The following IQCH variants were observed in gnomAD, a reference collection of about 807,000 sequenced individuals.
IQCH encodes the protein IQ motif containing H.
Under a neutral mutation model 117.0 loss-of-function variants are expected in IQCH, and 98 were observed. That is an observed-to-expected ratio of 0.84 (90% CI 0.71 to 0.99). The LOEUF is 0.99. Among genes scored for constraint, IQCH ranks in the 50% least tolerant of loss-of-function variants. The pLI is 0.00. For synonymous variants in IQCH, 412 were observed against 448.2 expected, an observed-to-expected ratio of 0.92 and a Z score of 1.02; for missense variants, 1,102 against 1,243.8, an observed-to-expected ratio of 0.89 and a Z score of 1.72.
rs574311972 is a variant in IQCH, at chr15:67,277,530, C to CTTT, written c.270-1845_270-1843dup. 5.4e-4 allele frequency among the ~76,000 whole-genome samples: 69 copies of CTTT among 128,838 alleles called. 2 individuals carry two copies. In the East Asian group the frequency reaches 0.011, roughly 20 times the overall value. The allele number at this position is 128,838 out of a possible 152,430, so 84.5% of individuals were successfully genotyped here. A position where few individuals can be genotyped will look rare whatever the true frequency, so the allele number is the denominator to read the frequency against. On this transcript the variant is annotated intron_variant, in intron 3 of 20. Coordinates refer to ENST00000335894, the MANE Select transcript of IQCH (RefSeq NM_001031715.3). The stretch of plus-strand genomic sequence containing the variant: ...GGCATCTGAGAGTTTCCTCCAGTAT[C>CTTT]TTTTTTTTTTTTTTTTTTTTTTAGA...
At chr15:67,414,522 A>G (rs2081526628) in intron 14 of IQCH, among the ~76,000 whole-genome samples, 1 of 152,032 alleles carries the variant, frequency 6.6e-6, no homozygotes, top group African/African-American at 2.4e-5. Flanking sequence ...CATATCACAG[A>G]GGACCTTCCT....
rs1009482031 is a variant in IQCH, at chr15:67,491,531, C to T, written c.2861+1467C>T. Among the ~76,000 whole-genome samples the T allele has an allele frequency of 3.3e-5, 5 of 152,116 alleles. No individual in the cohort carries two copies. The highest frequency in any genetic ancestry group is 1.2e-4 in the African/African-American group (5 of 41,402). ...AGTCCTCCCCTCCAGTTTCAGTCTT[C>T]CCCCAAGATCCCATAAACATGCAAA... On this transcript the variant is annotated intron_variant, in intron 19 of 20. Coordinates refer to ENST00000335894, the MANE Select transcript of IQCH (RefSeq NM_001031715.3). The surrounding 1 kb of genome is among the most constrained non-coding windows in gnomAD (Gnocchi z 4.9).
intron 5 of IQCH, among the ~76,000 whole-genome samples, chr15:67,340,311 C>T (rs1011169095): frequency 1.3e-5 from 2 of 151,292 alleles, no homozygotes; most frequent in Non-Finnish European, 2.9e-5. Flanking sequence ...ACCTGTAATC[C>T]CAGCTACTCT....
At position 67,295,782 on chromosome 15, in the gene IQCH, A is replaced by G. The variant is rs147022596; in HGVS notation, c.387+16270A>G. On this transcript the variant is annotated intron_variant, in intron 4 of 20. Transcript: ENST00000335894. ...ATTCTGTGCCTTCTCTCTAATCATA[A>G]TGGAAGTGTCCCTTTCCTATTAAGG... Among the ~76,000 whole-genome samples the G allele has an allele frequency of 3.9e-5, 6 of 152,288 alleles. No individual in the cohort carries two copies. The East Asian group carries it at 1.2e-3, about 29-fold the overall frequency.
rs2083103095 is a variant in IQCH, at chr15:67,472,768, T to A, written c.2677-2928T>A. ...TCCTCACCTCTGACTCTCCAGGCAA[T>A]AAAGGTCTGGACTAGGATGGTGATG... is the stretch of plus-strand genomic sequence containing the variant. On this transcript the variant is annotated intron_variant, in intron 17 of 20. Coordinates refer to ENST00000335894, the MANE Select transcript of IQCH (RefSeq NM_001031715.3). The surrounding 1 kb of genome is among the most constrained non-coding windows in gnomAD (Gnocchi z 4.3). Among the ~76,000 whole-genome samples the A allele has an allele frequency of 6.6e-6, 1 of 152,104 alleles. No homozygotes were observed. The highest frequency in any genetic ancestry group is 2.4e-5 in the African/African-American group (1 of 41,408).
At chr15:67,452,332 C>T (rs1397365799) in intron 16 of IQCH, among the ~76,000 whole-genome samples, 2 of 152,152 alleles carry the variant, frequency 1.3e-5, no homozygotes, top group South Asian at 2.1e-4. Context: ...ATGGTCTTTA[C>T]GATTTGGCAT....
At chr15:67,301,785 A>AT (rs1383355619) in intron 4 of IQCH, among the ~76,000 whole-genome samples, 1 of 152,176 alleles carries the variant, frequency 6.6e-6, no homozygotes, top group Non-Finnish European at 1.5e-5. Context: ...TGTGTGCTAC[A>AT]TATTACTATT....
At chr15:67,495,207 C>T (rs904623536) in intron 20 of IQCH, among the ~76,000 whole-genome samples, 7 of 152,172 alleles carry the variant, frequency 4.6e-5, no homozygotes, top group African/African-American at 1.7e-4. Flanking sequence ...GGCCTAACTC[C>T]TTTAGTAACA....
intron 4 of IQCH, among the ~76,000 whole-genome samples, chr15:67,331,359 A>G (rs1968658283): frequency 6.6e-6 from 1 of 152,188 alleles, no homozygotes; most frequent in Non-Finnish European, 1.5e-5. Flanking sequence ...AGATGATAAA[A>G]TAGAAGAATA....
rs1463998736 is a variant in IQCH at position 67,458,832 on chromosome 15, A to G, written c.2506-6295A>G. On this transcript the variant is annotated intron_variant, in intron 16 of 20. Transcript: ENST00000335894. This position sits in a 1 kb window ranked among gnomAD's most constrained non-coding sequence, Gnocchi z 4.1. ...GACTCACACATCCCTTTGGCCAACC[A>G]GCTACTGAGCATGATGGGCCGTGTA... Among the ~76,000 whole-genome samples, 1 of 152,218 alleles carries G rather than the reference A, an allele frequency of 6.6e-6. No homozygotes were observed. Among genetic ancestry groups the G allele is most frequent in the East Asian group, 1.9e-4 (1 of 5,200 alleles).
At chr15:67,310,585 C>A (rs1967539112) in intron 4 of IQCH, among the ~76,000 whole-genome samples, 1 of 152,044 alleles carries the variant, frequency 6.6e-6, no homozygotes. Context: ...TTCTCTGGTG[C>A]ATACTTTTGG....
chr15:67,323,771 A>G (rs1411088685), intron 4 of IQCH, among the ~76,000 whole-genome samples: 1 of 152,048 alleles, frequency 6.6e-6, no homozygotes, highest in Admixed American at 6.6e-5. Context: ...TCTACTTTAC[A>G]TATATTATAA....
Position 67,479,097 on chromosome 15 carries a change from A to G in IQCH, c.2799+3279A>G, listed in dbSNP as rs546951184. Among the ~76,000 whole-genome samples, 9 of 152,242 alleles carry G rather than the reference A, an allele frequency of 5.9e-5. No individual in the cohort carries two copies. The highest frequency in any genetic ancestry group is 2.2e-4 in the African/African-American group (9 of 41,524). Reference sequence around the variant, plus strand: ...TGTCCATCCCTGGTCAGGACTCTTCACTTGCTGTCTTAATTGCCTTTTCTT... The same window carrying G: ...TGTCCATCCCTGGTCAGGACTCTTCGCTTGCTGTCTTAATTGCCTTTTCTT... On this transcript the variant is annotated intron_variant, in intron 18 of 20. Coordinates refer to ENST00000335894, the MANE Select transcript of IQCH (RefSeq NM_001031715.3). The surrounding 1 kb of genome is among the most constrained non-coding windows in gnomAD (Gnocchi z 4.6).
At position 67,292,659 on chromosome 15, in the gene IQCH, A is replaced by T. The variant is rs142921440; in HGVS notation, c.387+13147A>T. Among the ~76,000 whole-genome samples the T allele has an allele frequency of 2.6e-5, 4 of 152,312 alleles. No homozygotes were observed. In the East Asian group the frequency reaches 7.7e-4, roughly 29 times the overall value. On this transcript the variant is annotated intron_variant, in intron 4 of 20. Transcript: ENST00000335894. Reference sequence around the variant, plus strand: ...TGTTAACCTTTACCATTTTTGCTTCATCTATTTTTATTGAAGTGTTTTAAA... The same window carrying T: ...TGTTAACCTTTACCATTTTTGCTTCTTCTATTTTTATTGAAGTGTTTTAAA...
Position 67,376,968 on chromosome 15 carries a change from T to A in IQCH, c.1372+3535T>A, listed in dbSNP as rs191518396. ...CCCGTCTCTACTAAAAATACAAAAA[T>A]TAGCTGGGTGTGGTGGCACGCACCT... On this transcript the variant is annotated intron_variant, in intron 10 of 20. Coordinates refer to ENST00000335894, the MANE Select transcript of IQCH (RefSeq NM_001031715.3). This position sits in a 1 kb window ranked among gnomAD's most constrained non-coding sequence, Gnocchi z 5.0. 6.6e-6 allele frequency among the ~76,000 whole-genome samples: 1 copy of A among 151,892 alleles called. No homozygotes were observed. The highest frequency in any genetic ancestry group is 1.9e-4 in the East Asian group (1 of 5,160).
In IQCH at chr15:67,376,032, C is replaced by T. The variant is rs1970725576; in HGVS notation, c.1372+2599C>T. Among the ~76,000 whole-genome samples the T allele has an allele frequency of 6.6e-6, 1 of 152,092 alleles. No individual in the cohort carries two copies. The highest frequency in any genetic ancestry group is 2.4e-5 in the African/African-American group (1 of 41,402). ...GAACCCCTGACCTCAAGTGATCCAC[C>T]AGCCTCGGCCTCCCAAAGTGCTGGG... On this transcript the variant is annotated intron_variant, in intron 10 of 20. Coordinates refer to ENST00000335894, the MANE Select transcript of IQCH (RefSeq NM_001031715.3). This position sits in a 1 kb window ranked among gnomAD's most constrained non-coding sequence, Gnocchi z 5.0.
chr15:67,292,020 G>C (rs971279990), intron 4 of IQCH, among the ~76,000 whole-genome samples: 1 of 152,024 alleles, frequency 6.6e-6, no homozygotes, highest in African/African-American at 2.4e-5. Flanking sequence ...TGGACTTTGG[G>C]GAGTGCTTAG....
chr15:67,352,148 T>A (rs1969689268), intron 6 of IQCH, among the ~76,000 whole-genome samples: 1 of 152,192 alleles, frequency 6.6e-6, no homozygotes, highest in Non-Finnish European at 1.5e-5. Flanking sequence ...ATTCTTATTG[T>A]GATTAGCTTC....
In IQCH at chr15:67,384,589, T is replaced by G. The variant is rs1971046279; in HGVS notation, c.1373-347T>G. Among the ~76,000 whole-genome samples the G allele has an allele frequency of 6.6e-6, 1 of 151,770 alleles. No individual in the cohort carries two copies. Among genetic ancestry groups the G allele is most frequent in the Non-Finnish European group, 1.5e-5 (1 of 67,910 alleles). On this transcript the variant is annotated intron_variant, in intron 10 of 20. Transcript: ENST00000335894. The surrounding 1 kb of genome is among the most constrained non-coding windows in gnomAD (Gnocchi z 4.3). Reference sequence around the variant, plus strand: ...CTCACATTAAGAAGCCAAAACGATATTTTTTTTAACCTGAGCATAATTTTC... The same window carrying G: ...CTCACATTAAGAAGCCAAAACGATAGTTTTTTTAACCTGAGCATAATTTTC...
Sources: gnomAD v4.1 joint callset for allele counts (sites outside exome capture counted in the v4.1 genomes callset) on GRCh38, gnomAD v4.1.1 for gene constraint, Gnocchi (gnomAD v3.1) non-coding constraint, MANE v1.5 for transcripts, NCBI Gene and HGNC (gene_info 2026-07-23, HGNC 2026-07-21) for gene names.